COL11A1: variants seen among roughly 807,000 people sequenced by gnomAD.
COL11A1 encodes the protein collagen type XI alpha 1 chain.
COL11A1 carries 74 observed loss-of-function variants against 265.2 expected under a neutral mutation model. The observed-to-expected ratio is 0.28, with a 90% CI of 0.23 to 0.34. COL11A1 has a LOEUF of 0.34. Among genes scored for constraint, COL11A1 ranks in the 10% least tolerant of loss-of-function variants. The pLI is 1.00. For synonymous variants in COL11A1, 816 were observed against 727.6 expected, an observed-to-expected ratio of 1.12 and a Z score of -1.96; for missense variants, 2,165 against 2,263.6, an observed-to-expected ratio of 0.96 and a Z score of 0.88.
At chr1:103,053,317 T>C (rs1042699058) in intron 4 of COL11A1, among the ~76,000 whole-genome samples, 1 of 152,118 alleles carries the variant, frequency 6.6e-6, no homozygotes, top group African/African-American at 2.4e-5. Flanking sequence ...TAACAAAAGG[T>C]CAATAAAGTC....
chr1:102,989,661 C>A (rs1463034), intron 28 of COL11A1, 90 bp from the exon 29 acceptor site: 2 of 879,556 alleles, frequency 2.3e-6, no homozygotes, highest in African/African-American at 3.4e-5. Context: ...GTGCTGATAA[C>A]GAGGGAAAAT....
chr1:102,970,291 A>G lies in COL11A1; in HGVS notation c.2809-19T>C. On this transcript the variant is annotated intron_variant, in intron 36 of 66. Coordinates refer to ENST00000370096, the MANE Select transcript of COL11A1 (RefSeq NM_001854.4). ...GTGGTCCCTGAAATTACAAATATTA[A>G]ATACCACATGTCATAAATATTTAAT... is the stretch of plus-strand genomic sequence containing the variant. 6.3e-7 allele frequency: 1 copy of G among 1,587,764 alleles called. No homozygotes were observed. Among genetic ancestry groups the G allele is most frequent in the Non-Finnish European group, 8.6e-7 (1 of 1,157,112 alleles).
chr1:103,047,101 T>C (rs1414678272), intron 4 of COL11A1, among the ~76,000 whole-genome samples: 2 of 152,190 alleles, frequency 1.3e-5, no homozygotes, highest in Admixed American at 1.3e-4. Flanking sequence ...TCTTTTTTGG[T>C]TCCATATGAA....
chr1:103,084,103 A>T (rs1489666944), intron 1 of COL11A1, among the ~76,000 whole-genome samples: 5 of 152,192 alleles, frequency 3.3e-5, no homozygotes, highest in African/African-American at 1.2e-4. Flanking sequence ...TACATATAAC[A>T]TTAAATTTGC....
rs56054703 is a variant in COL11A1 at position 102,991,655 on chromosome 1, G to A, written c.2341-2084C>T. 6.1e-3 allele frequency among the ~76,000 whole-genome samples: 923 copies of A among 152,152 alleles called. 19 individuals are homozygous for A. Among genetic ancestry groups the A allele is most frequent in the African/African-American group, 0.022 (897 of 41,514 alleles). ...GAGTCTCCAGTGTCAAACATGTTTTGGACCTTCAGTAACCACAATGTTCAA... is the reference window on the plus strand; with the variant it reads ...GAGTCTCCAGTGTCAAACATGTTTTAGACCTTCAGTAACCACAATGTTCAA... On this transcript the variant is annotated intron_variant, in intron 28 of 66. Coordinates refer to ENST00000370096, the MANE Select transcript of COL11A1 (RefSeq NM_001854.4).
chr1:102,926,947 T>C (rs140145354), intron 46 of COL11A1, among the ~76,000 whole-genome samples: 61 of 152,234 alleles, frequency 4.0e-4, no homozygotes, highest in African/African-American at 1.4e-3. Flanking sequence ...AGTGAAGTTT[T>C]TGCACTCTCC....
intron 42 of COL11A1, among the ~76,000 whole-genome samples, chr1:102,942,467 A>G (rs1658821163): frequency 2.0e-5 from 3 of 152,104 alleles, no homozygotes; most frequent in Non-Finnish European, 4.4e-5. Context: ...CTCTTCCTCC[A>G]TTATGTATCT....
rs780226288 is a variant in COL11A1 at position 102,886,890 on chromosome 1, T to C, written c.4775A>G (p.His1592Arg). The stretch of plus-strand genomic sequence containing the variant: ...CTGAGTACCCATTGGAAATTTCATA[T>C]GCTCAATGTCTTGTTTCAGGGAATT... ...SLNSLKQDIE[H>R]MKFPMGTQTN... The change falls in exon 63 of 67, where the codon CAT becomes CGT. Residue 1592 changes from histidine to arginine, a missense_variant. Transcript: ENST00000370096. 1.9e-6 allele frequency: 3 copies of C among 1,613,880 alleles called. No homozygotes were observed. The highest frequency in any genetic ancestry group is 2.2e-5 in the South Asian group (2 of 91,078).
chr1:102,976,217 C>G lies in COL11A1; in HGVS notation c.2755-1334G>C, dbSNP rs12126897. Among the ~76,000 whole-genome samples, 635 of 140,780 alleles carry G rather than the reference C, an allele frequency of 4.5e-3. 4 individuals are homozygous for G. Among genetic ancestry groups the G allele is most frequent in the African/African-American group, 0.015 (606 of 39,646 alleles). 92.4% of individuals were successfully genotyped at this position (140,780 alleles called of 152,430 possible). A position where few individuals can be genotyped will look rare whatever the true frequency, so the allele number is the denominator to read the frequency against. On this transcript the variant is annotated intron_variant, in intron 35 of 66. Coordinates refer to ENST00000370096, the MANE Select transcript of COL11A1 (RefSeq NM_001854.4). ...AATTTAAAATCTTTTAAGAAAGAAA[C>G]ATTCCAAAAATCATTACTTTAAAAT...
At chr1:103,033,962 G>T (rs1668172649) in intron 4 of COL11A1, among the ~76,000 whole-genome samples, 1 of 151,948 alleles carries the variant, frequency 6.6e-6, no homozygotes, top group South Asian at 2.1e-4. Flanking sequence ...AGTCAGTTTT[G>T]CTGGCTATAA....
rs1400186844 is a variant in COL11A1 at position 102,978,846 on chromosome 1, A to C, written c.2709+14T>G. ...TCTACAGTAACATCCAAACAGAAAA[A>C]GTACAGGTGATACCTTTGGCCCAGG... On this transcript the variant is annotated intron_variant, in intron 34 of 66. Coordinates refer to ENST00000370096, the MANE Select transcript of COL11A1 (RefSeq NM_001854.4). 1 of 1,614,106 alleles carries C rather than the reference A, an allele frequency of 6.2e-7. No individual in the cohort carries two copies. Among genetic ancestry groups the C allele is most frequent in the Non-Finnish European group, 8.5e-7 (1 of 1,179,982 alleles).
At chr1:103,050,795 C>T (rs187971185) in intron 4 of COL11A1, among the ~76,000 whole-genome samples, 3 of 152,266 alleles carry the variant, frequency 2.0e-5, no homozygotes, top group East Asian at 3.9e-4. Context: ...GATGTCCTTC[C>T]TGTTTGTTAG....
chr1:102,976,401 C>A (rs1318363854), intron 35 of COL11A1, among the ~76,000 whole-genome samples: 1 of 141,714 alleles, frequency 7.1e-6, no homozygotes, highest in Non-Finnish European at 1.5e-5. Flanking sequence ...TGGGTTCAAG[C>A]AATTCTCCTG....
At chr1:103,019,441 T>A (rs920848474) in intron 9 of COL11A1, among the ~76,000 whole-genome samples, 3 of 152,148 alleles carry the variant, frequency 2.0e-5, no homozygotes, top group Non-Finnish European at 4.4e-5. Flanking sequence ...AGCTATAATG[T>A]CATTTAAAAA....
At chr1:102,931,827 A>T (rs1423281309) in intron 46 of COL11A1, among the ~76,000 whole-genome samples, 2 of 151,356 alleles carry the variant, frequency 1.3e-5, no homozygotes. Context: ...TGTTGAATTG[A>T]TCCCTTTAGC....
chr1:102,974,968 A>T (rs925485479), intron 35 of COL11A1, 85 bp from the exon 36 acceptor site: 34 of 957,560 alleles, frequency 3.6e-5, no homozygotes, highest in Non-Finnish European at 4.7e-5. Context: ...TACATAGACA[A>T]AATACAATGT....
intron 13 of COL11A1, among the ~76,000 whole-genome samples, chr1:103,013,313 C>T (rs1666280792): frequency 6.6e-6 from 1 of 151,854 alleles, no homozygotes; most frequent in Non-Finnish European, 1.5e-5. Flanking sequence ...CTTCTTAATC[C>T]TTGAGATTAA....
intron 31 of COL11A1, among the ~76,000 whole-genome samples, chr1:102,979,814 A>T (rs1254731930): frequency 1.3e-5 from 2 of 152,206 alleles, no homozygotes; most frequent in Non-Finnish European, 2.9e-5. Context: ...GGAATAGTCA[A>T]ATATTAAAAT....
intron 54 of COL11A1, among the ~76,000 whole-genome samples, chr1:102,900,810 G>A (rs1227354049): frequency 6.6e-6 from 1 of 152,038 alleles, no homozygotes; most frequent in African/African-American, 2.4e-5. Flanking sequence ...ACAAATATCT[G>A]TCATAGTAAA....
Sources: allele counts gnomAD v4.1 joint callset (sites outside exome capture counted in the v4.1 genomes callset), GRCh38; gene constraint gnomAD v4.1.1; transcripts MANE v1.5; gene names NCBI Gene and HGNC (gene_info 2026-07-23, HGNC 2026-07-21).